TTLL11: variants seen among roughly 807,000 people sequenced by gnomAD.
TTLL11 encodes tubulin tyrosine ligase like 11.
In TTLL11, 42 loss-of-function variants were observed where a neutral mutation model predicts 51.7. That is an observed-to-expected ratio of 0.81 (90% CI 0.64 to 1.05). TTLL11 has a LOEUF of 1.05. Among genes scored for constraint, TTLL11 ranks in the 50% least tolerant of loss-of-function variants. The pLI, the probability that TTLL11 is intolerant of heterozygous loss-of-function variation, is 0.00. For synonymous variants in TTLL11, 381 were observed against 383.5 expected (o/e 0.99, Z 0.08); for missense variants, 799 against 940.4 (o/e 0.85, Z 1.97).
At chr9:121,874,678 G>C (rs1838496823) in intron 6 of TTLL11, among the ~76,000 whole-genome samples, 1 of 151,836 alleles carries the variant, frequency 6.6e-6, no homozygotes, top group African/African-American at 2.4e-5. Flanking sequence ...TAGAGATCTA[G>C]TGTCACATGG....
At chr9:122,075,110 T>C (rs1317273676) in intron 1 of TTLL11, among the ~76,000 whole-genome samples, 1 of 152,240 alleles carries the variant, frequency 6.6e-6, no homozygotes, top group African/African-American at 2.4e-5. Flanking sequence ...TCAACAATAC[T>C]ATATAAATAT....
rs533943414 is a variant in TTLL11 at position 121,977,917 on chromosome 9, C to T, written c.1270-2938G>A. On this transcript the variant is annotated intron_variant, in intron 4 of 8. Coordinates refer to ENST00000321582, the MANE Select transcript of TTLL11 (RefSeq NM_001139442.2). ...CTCCAACTCCTGACCTCAGGTGATC[C>T]GCCTGCCTTGTCCTCCCAAAGTTCT... Among the ~76,000 whole-genome samples the T allele has an allele frequency of 3.3e-5, 5 of 152,134 alleles. No individual in the cohort carries two copies. The South Asian group carries it at 1.0e-3, about 32-fold the overall frequency.
chr9:121,970,792 G>A (rs936318743), intron 6 of TTLL11, among the ~76,000 whole-genome samples: 1 of 152,192 alleles, frequency 6.6e-6, no homozygotes, highest in Non-Finnish European at 1.5e-5. Flanking sequence ...ACAGTGTGGC[G>A]ATTCCTCAAG....
At chr9:121,846,908 AT>A (rs1444478274) in intron 8 of TTLL11, among the ~76,000 whole-genome samples, 2 of 152,184 alleles carry the variant, frequency 1.3e-5, no homozygotes, top group African/African-American at 4.8e-5. Flanking sequence ...AAAGAAAGAA[AT>A]AATAAAAATC....
chr9:121,841,185 C>T (rs1449395912), intron 8 of TTLL11, among the ~76,000 whole-genome samples: 6 of 152,128 alleles, frequency 3.9e-5, no homozygotes, highest in African/African-American at 7.2e-5. Context: ...GATGGAAGCA[C>T]GTTGGCTGGC....
intron 6 of TTLL11, among the ~76,000 whole-genome samples, chr9:121,891,523 C>T (rs1451826060): frequency 1.3e-5 from 2 of 152,112 alleles, no homozygotes; most frequent in African/African-American, 4.8e-5. Context: ...TGGGGCCAGC[C>T]GGTAAGTGTT....
intron 6 of TTLL11, among the ~76,000 whole-genome samples, chr9:121,883,390 T>A (rs550249252): frequency 6.6e-6 from 1 of 152,260 alleles, no homozygotes; most frequent in African/African-American, 2.4e-5. Context: ...GTTATATGAC[T>A]CCTTTGACAT....
At chr9:122,011,975 G>T (rs1234411255) in intron 3 of TTLL11, among the ~76,000 whole-genome samples, 1 of 152,146 alleles carries the variant, frequency 6.6e-6, no homozygotes, top group East Asian at 1.9e-4. Context: ...GAAAGGACAA[G>T]AGAATCCTTT....
At chr9:121,934,785 T>C (rs546296553) in intron 6 of TTLL11, among the ~76,000 whole-genome samples, 1 of 152,256 alleles carries the variant, frequency 6.6e-6, no homozygotes, top group Admixed American at 6.5e-5. Context: ...TCCAGAATAT[T>C]AAAAAGAAGC....
chr9:122,069,821 A>G (rs925340531), intron 1 of TTLL11, among the ~76,000 whole-genome samples: 1 of 152,070 alleles, frequency 6.6e-6, no homozygotes, highest in African/African-American at 2.4e-5. Flanking sequence ...GTGACCCCAC[A>G]CAAAAACAGC....
chr9:122,038,528 A>G (rs1844761224), intron 2 of TTLL11, among the ~76,000 whole-genome samples: 1 of 152,162 alleles, frequency 6.6e-6, no homozygotes, highest in African/African-American at 2.4e-5. Context: ...ACAGGCCTGT[A>G]ATCCCAGCTA....
intron 3 of TTLL11, among the ~76,000 whole-genome samples, chr9:121,992,011 G>C (rs1025969997): frequency 6.6e-6 from 1 of 152,082 alleles, no homozygotes; most frequent in African/African-American, 2.4e-5. Context: ...TTGTTCCTCC[G>C]CTTACTGTAG....
intron 6 of TTLL11, among the ~76,000 whole-genome samples, chr9:121,886,115 G>A (rs1301115119): frequency 5.9e-5 from 9 of 152,208 alleles, no homozygotes; most frequent in Non-Finnish European, 8.8e-5. Flanking sequence ...CCTGATGAGT[G>A]CCACCTGATC....
intron 8 of TTLL11, among the ~76,000 whole-genome samples, chr9:121,837,743 C>G (rs1457879054): frequency 6.6e-6 from 1 of 152,186 alleles, no homozygotes; most frequent in Non-Finnish European, 1.5e-5. Context: ...GCCTCCACAG[C>G]CTCCCTTCCA....
intron 6 of TTLL11, among the ~76,000 whole-genome samples, chr9:121,957,376 A>G (rs1195147685): frequency 6.6e-6 from 1 of 151,844 alleles, no homozygotes; most frequent in East Asian, 1.9e-4. Flanking sequence ...GATAGCCCAC[A>G]TCTCCCCGCC....
intron 4 of TTLL11, among the ~76,000 whole-genome samples, chr9:121,983,458 G>A (rs1044130399): frequency 4.6e-5 from 7 of 152,190 alleles, no homozygotes; most frequent in South Asian, 4.1e-4. Flanking sequence ...TGGGGGCTAC[G>A]CGGGATCATT....
intron 6 of TTLL11, among the ~76,000 whole-genome samples, chr9:121,927,249 C>T (rs1456225956): frequency 6.6e-6 from 1 of 152,248 alleles, no homozygotes; most frequent in Non-Finnish European, 1.5e-5. Context: ...TGAAGTAGAG[C>T]TTACAATGCT....
At chr9:121,844,104 C>T (rs1201307573) in intron 8 of TTLL11, among the ~76,000 whole-genome samples, 1 of 152,160 alleles carries the variant, frequency 6.6e-6, no homozygotes, top group Non-Finnish European at 1.5e-5. Context: ...CTGAAAGTCA[C>T]AGCCCATGGA....
chr9:122,046,746 C>A (rs1326430142), intron 1 of TTLL11, among the ~76,000 whole-genome samples: 1 of 152,130 alleles, frequency 6.6e-6, no homozygotes, highest in Non-Finnish European at 1.5e-5. Context: ...CTCTGGCACT[C>A]ACTGTGAGAT....
Sources: gnomAD v4.1 joint callset for allele counts (sites outside exome capture counted in the v4.1 genomes callset) on GRCh38, gnomAD v4.1.1 for gene constraint, MANE v1.5 for transcripts, NCBI Gene and HGNC (gene_info 2026-07-23, HGNC 2026-07-21) for gene names.